Variants in PAQR5 observed in about 807,000 individuals in gnomAD.
PAQR5 encodes the protein progestin and adipoQ receptor family member 5.
A neutral mutation model predicts 34.5 loss-of-function variants in PAQR5; 20 were observed. That is an observed-to-expected ratio of 0.58 (90% confidence interval 0.41 to 0.84). The LOEUF is 0.84. Among genes scored for constraint, PAQR5 ranks in the 40% least tolerant of loss-of-function variants. PAQR5 has a pLI of 0.00. For synonymous variants in PAQR5, 131 were observed against 155.6 expected (o/e 0.84, Z 1.18); for missense variants, 378 against 412.7 (o/e 0.92, Z 0.73).
intron 6 of PAQR5, among the ~76,000 whole-genome samples, 189 bp downstream of exon 6, chr15:69,389,969 A>C (rs993863237): frequency 1.5e-4 from 23 of 152,176 alleles, no homozygotes; most frequent in African/African-American, 5.1e-4. Flanking sequence ...CCAGGCCTCC[A>C]TGCTCAGAGA....
rs111647955 is a variant in PAQR5 at position 69,339,168 on chromosome 15, A to ACCCCCCCCCCCCCCCCCC, written c.-116+1668_-116+1669insCCCCCCCCCCCCCCCCCC. Among the ~76,000 whole-genome samples the ACCCCCCCCCCCCCCCCCC allele has an allele frequency of 1.5e-4, 20 of 134,140 alleles. 1 individual carries two copies. The highest frequency in any genetic ancestry group is 3.0e-4 in the Admixed American group (4 of 13,186). 88.0% of individuals were successfully genotyped at this position (134,140 alleles called of 152,430 possible). On this transcript the variant is annotated intron_variant, in intron 2 of 8. Coordinates refer to ENST00000395407, the MANE Select transcript of PAQR5 (RefSeq NM_017705.4). ...AGTCACCACTCCTGGCCCACTGGCT[A>ACCCCCCCCCCCCCCCCCC]CACCCCCCACCCCGCCACCAAGTTA...
intron 2 of PAQR5, among the ~76,000 whole-genome samples, chr15:69,355,332 CTTTCTT>C (rs2055038378): frequency 3.5e-5 from 1 of 28,706 alleles, no homozygotes; most frequent in Non-Finnish European, 7.0e-5. Context: ...TTCTTTCTTT[CTTTCTT>C]TCTTTTTTTC....
chr15:69,385,976 C>T lies in PAQR5; in HGVS notation c.385+1094C>T, dbSNP rs1014467420. ...CACATGCACACTCTCAAACACTACA[C>T]ACACACACCACCCATACTGACACAC... On this transcript the variant is annotated intron_variant, in intron 5 of 8. Coordinates refer to ENST00000395407, the MANE Select transcript of PAQR5 (RefSeq NM_017705.4). The surrounding 1 kb of genome is among the most constrained non-coding windows in gnomAD (Gnocchi z 4.7). Among the ~76,000 whole-genome samples the T allele has an allele frequency of 1.3e-5, 2 of 151,454 alleles. No homozygotes were observed. Among genetic ancestry groups the T allele is most frequent in the East Asian group, 3.9e-4 (2 of 5,170 alleles).
intron 3 of PAQR5, among the ~76,000 whole-genome samples, chr15:69,361,596 C>T (rs1445013622): frequency 1.3e-5 from 2 of 152,086 alleles, no homozygotes; most frequent in African/African-American, 2.4e-5. Flanking sequence ...GGAAGAGGCA[C>T]GTCTTACATG....
chr15:69,396,925 G>A (rs1399645272), intron 6 of PAQR5: 1 of 316,032 alleles, frequency 3.2e-6, no homozygotes, highest in African/African-American at 2.2e-5. Context: ...CGTTTATTTA[G>A]TTTTCCCAAG....
chr15:69,389,622 C>A (rs2056200738), intron 5 of PAQR5, 32 bp from the exon 6 acceptor site: 1 of 1,613,462 alleles, frequency 6.2e-7, no homozygotes, highest in Non-Finnish European at 8.5e-7. Context: ...CAAGGCCTGG[C>A]TCCTCTCCCA....
intron 3 of PAQR5, among the ~76,000 whole-genome samples, chr15:69,364,374 C>T (rs1297288858): frequency 6.7e-6 from 1 of 148,854 alleles, no homozygotes; most frequent in East Asian, 2.0e-4. Context: ...TTTGGGATGC[C>T]GAGGTGGGTG....
intron 6 of PAQR5, among the ~76,000 whole-genome samples, chr15:69,392,738 C>T (rs1338943000): frequency 6.6e-6 from 1 of 152,046 alleles, no homozygotes; most frequent in Non-Finnish European, 1.5e-5. Flanking sequence ...TGCCGGTATA[C>T]ACAGGGTTCT....
At chr15:69,332,446 T>G (rs2054403122) in intron 1 of PAQR5, among the ~76,000 whole-genome samples, 1 of 152,166 alleles carries the variant, frequency 6.6e-6, no homozygotes, top group Admixed American at 6.6e-5. Context: ...ACAGGAATTT[T>G]GGGGTTCATG....
At chr15:69,334,942 GC>G (rs1248324532) in intron 1 of PAQR5, among the ~76,000 whole-genome samples, 2 of 152,162 alleles carry the variant, frequency 1.3e-5, no homozygotes, top group African/African-American at 4.8e-5. Flanking sequence ...AAAGAAATTG[GC>G]TGGGCGCGGT....
intron 3 of PAQR5, among the ~76,000 whole-genome samples, chr15:69,376,897 G>C (rs1163684766): frequency 6.6e-6 from 1 of 152,116 alleles, no homozygotes; most frequent in African/African-American, 2.4e-5. Flanking sequence ...CAGAGAGAAG[G>C]GAAGTAGTCA....
At position 69,298,930 on chromosome 15, in the gene PAQR5, C is replaced by A. The variant is rs2053456881; in HGVS notation, c.-403C>A. The A allele has an allele frequency of 6.6e-6, 1 of 151,934 alleles. No individual in the cohort carries two copies. Among genetic ancestry groups the A allele is most frequent in the Non-Finnish European group, 1.5e-5 (1 of 67,972 alleles). The allele number at this position is 151,934 out of a possible 1,614,324, so 9.4% of individuals were successfully genotyped here. Reference sequence around the variant, plus strand: ...GACCGGCATGGGTAGGCGCGGCGACCCGCAGGGCCAGGTGCAGGGCCCGCG... The same window carrying A: ...GACCGGCATGGGTAGGCGCGGCGACACGCAGGGCCAGGTGCAGGGCCCGCG... On this transcript the variant is annotated 5_prime_UTR_variant, in exon 1 of 9. Transcript: ENST00000395407.
chr15:69,308,343 A>C (rs2053762012), intron 1 of PAQR5, among the ~76,000 whole-genome samples: 2 of 152,230 alleles, frequency 1.3e-5, no homozygotes, highest in South Asian at 4.1e-4. Context: ...ACCTTTGCAC[A>C]GCTAAAGATT....
Position 69,305,570 on chromosome 15 carries a change from G to C in PAQR5, c.-277+6514G>C, listed in dbSNP as rs572100390. 7.9e-5 allele frequency among the ~76,000 whole-genome samples: 12 copies of C among 152,152 alleles called. No homozygotes were observed. In the East Asian group the frequency reaches 2.1e-3, roughly 27 times the overall value. ...CCTGTGGTTCGGGCCCGCACACTAAGGTCAGTGGCCTTCCAGTGCGGGGCA... is the reference window on the plus strand; with the variant it reads ...CCTGTGGTTCGGGCCCGCACACTAACGTCAGTGGCCTTCCAGTGCGGGGCA... On this transcript the variant is annotated intron_variant, in intron 1 of 8. Coordinates refer to ENST00000395407, the MANE Select transcript of PAQR5 (RefSeq NM_017705.4).
intron 1 of PAQR5, among the ~76,000 whole-genome samples, chr15:69,307,082 A>C (rs1032005692): frequency 7.3e-6 from 1 of 137,546 alleles, no homozygotes; most frequent in Non-Finnish European, 1.5e-5. Flanking sequence ...ATAATATTCC[A>C]TTACATATAC....
chr15:69,347,761 T>C (rs2054813164), intron 2 of PAQR5, among the ~76,000 whole-genome samples: 1 of 152,204 alleles, frequency 6.6e-6, no homozygotes, highest in Non-Finnish European at 1.5e-5. Flanking sequence ...CTTCTTGCTG[T>C]GTCTTCCTAT....
At chr15:69,380,067 T>C (rs1456916256) in intron 4 of PAQR5, 57 bp downstream of exon 4, 2 of 1,590,842 alleles carry the variant, frequency 1.3e-6, no homozygotes, top group Non-Finnish European at 1.7e-6. Context: ...GAGACCAGGG[T>C]GTCTTAAAAC....
intron 5 of PAQR5, among the ~76,000 whole-genome samples, chr15:69,387,014 T>A (rs3784360): frequency 6.6e-6 from 1 of 151,612 alleles, no homozygotes; most frequent in Admixed American, 6.6e-5. Flanking sequence ...TAAGGCCAGG[T>A]GACTTCTCTC....
chr15:69,372,143 A>G (rs930030457), intron 3 of PAQR5, among the ~76,000 whole-genome samples: 1 of 152,228 alleles, frequency 6.6e-6, no homozygotes, highest in African/African-American at 2.4e-5. Context: ...AGCAATTCAA[A>G]CCATGTGCTA....
Sources: gnomAD v4.1 joint callset for allele counts (sites outside exome capture counted in the v4.1 genomes callset) on GRCh38, gnomAD v4.1.1 for gene constraint, Gnocchi (gnomAD v3.1) non-coding constraint, MANE v1.5 for transcripts, NCBI Gene and HGNC (gene_info 2026-07-23, HGNC 2026-07-21) for gene names.